SPAST: variants seen among roughly 807,000 people sequenced by gnomAD.
The protein encoded by SPAST is spastin, also known as spastic paraplegia 4 (autosomal dominant; spastin).
In SPAST, 30 loss-of-function variants were observed where a neutral mutation model predicts 76.6. The ratio of observed to expected loss-of-function variants is 0.39; its 90% CI spans 0.29 to 0.53. The LOEUF is 0.53. Among genes scored for constraint, SPAST ranks in the 20% least tolerant of loss-of-function variants. The probability of loss-of-function intolerance (pLI) is 0.68; values close to 1 mark genes in which losing one functional copy is unlikely to be tolerated. For synonymous variants in SPAST, 305 were observed against 281.0 expected, an observed-to-expected ratio of 1.09 and a Z score of -0.86; for missense variants, 717 against 770.5, an observed-to-expected ratio of 0.93 and a Z score of 0.82.
rs368935888 is a variant in SPAST, at chr2:32,063,771, G to A, written c.-61G>A. 83 of 1,531,250 alleles carry A rather than the reference G, an allele frequency of 5.4e-5. 1 individual carries two copies. In the South Asian group the frequency reaches 6.1e-4, roughly 11 times the overall value. The allele number at this position is 1,531,250 out of a possible 1,614,324, so 94.9% of individuals were successfully genotyped here. Reference sequence around the variant, plus strand: ...CGCCGTAGCAGTGGCTGCCGCCGTCGCTTGGTTCCCGTCGGTCTGCGGGAG... The same window carrying A: ...CGCCGTAGCAGTGGCTGCCGCCGTCACTTGGTTCCCGTCGGTCTGCGGGAG... On this transcript the variant is annotated 5_prime_UTR_variant, in exon 1 of 17. Coordinates refer to ENST00000315285, the MANE Select transcript of SPAST (RefSeq NM_014946.4).
intron 1 of SPAST, among the ~76,000 whole-genome samples, chr2:32,079,835 C>T (rs1383199605): frequency 3.9e-5 from 6 of 152,170 alleles, no homozygotes; most frequent in Admixed American, 3.3e-4. Flanking sequence ...GTGCAGCCCA[C>T]GTTTTTTATT....
chr2:32,088,260 T>C (rs536216630), intron 2 of SPAST, among the ~76,000 whole-genome samples: 1 of 152,336 alleles, frequency 6.6e-6, no homozygotes, highest in African/African-American at 2.4e-5. Context: ...CTTAAACTTC[T>C]GGCCTCAAGT....
chr2:32,114,914 C>A, intron 5 of SPAST, 89 bp downstream of exon 5: 1 of 862,196 alleles, frequency 1.2e-6, no homozygotes, highest in Non-Finnish European at 1.9e-6. Flanking sequence ...ATCATAAGTA[C>A]TTTATAATAC....
At chr2:32,075,969 C>T (rs963248978) in intron 1 of SPAST, among the ~76,000 whole-genome samples, 5 of 130,914 alleles carry the variant, frequency 3.8e-5, no homozygotes, top group South Asian at 5.1e-4. Context: ...GGTGTGATCT[C>T]GGCTCACTGC....
chr2:32,083,746 TATAC>T (rs1677341783), intron 1 of SPAST, among the ~76,000 whole-genome samples: 2 of 59,560 alleles, frequency 3.4e-5, no homozygotes, highest in African/African-American at 1.3e-4. Flanking sequence ...TATATTTATA[TATAC>T]TATATATATA....
intron 7 of SPAST, among the ~76,000 whole-genome samples, chr2:32,125,323 A>C (rs1216803319): frequency 6.6e-6 from 1 of 152,096 alleles, no homozygotes; most frequent in Non-Finnish European, 1.5e-5. Flanking sequence ...TCCAGGGTTC[A>C]AGCGATTCTC....
chr2:32,095,009 T>G (rs185946185), intron 3 of SPAST, among the ~76,000 whole-genome samples: 1 of 152,304 alleles, frequency 6.6e-6, no homozygotes, highest in Admixed American at 6.5e-5. Flanking sequence ...AATGAAATAC[T>G]CTGACTTAAA....
intron 16 of SPAST, among the ~76,000 whole-genome samples, chr2:32,150,383 G>A (rs564438394): frequency 7.3e-5 from 11 of 150,038 alleles, no homozygotes; most frequent in Non-Finnish European, 1.3e-4. Context: ...GAGCCACCAC[G>A]CCCGGCTGAA....
rs147419364 is a variant in SPAST at position 32,121,473 on chromosome 2, A to G, written c.1098+5261A>G. The stretch of plus-strand genomic sequence containing the variant: ...GACCTTTCTAGATATTCATCCTTCA[A>G]TTCTGAGAAAGGTTCTATAATTCTT... On this transcript the variant is annotated intron_variant, in intron 7 of 16. Transcript: ENST00000315285. Among the ~76,000 whole-genome samples, 668 of 148,760 alleles carry G rather than the reference A, an allele frequency of 4.5e-3. 4 individuals are homozygous for G. The highest frequency in any genetic ancestry group is 0.016 in the African/African-American group (636 of 40,316).
rs1218304842 is a variant in SPAST at position 32,114,790 on chromosome 2, A to C, written c.835A>C (p.Lys279Gln). The change falls in exon 5 of 17, where the codon AAA (lysine) becomes CAA (glutamine). Residue 279 changes from lysine (K) to glutamine (Q), a missense_variant. By Grantham distance (53) the Lys-to-Gln change is moderately conservative (BLOSUM62 1). Coordinates refer to ENST00000315285, the MANE Select transcript of SPAST (RefSeq NM_014946.4). ...TGGTTTATCCATGGTTTCTGGAGTGAAACAGGGATCTGGTCCTGCTCCTAC... is the reference window on the plus strand; with the variant it reads ...TGGTTTATCCATGGTTTCTGGAGTGCAACAGGGATCTGGTCCTGCTCCTAC... ...YSGLSMVSGV[K>Q]QGSGPAPTTH... The C allele has an allele frequency of 6.2e-7, 1 of 1,614,138 alleles. No individual in the cohort carries two copies. The highest frequency in any genetic ancestry group is 1.3e-5 in the African/African-American group (1 of 75,052).
chr2:32,143,926 G>T (rs537428313), intron 14 of SPAST, among the ~76,000 whole-genome samples: 14 of 152,132 alleles, frequency 9.2e-5, no homozygotes, highest in Non-Finnish European at 1.5e-4. Context: ...ATATAAACTT[G>T]TTCTTGGCAT....
chr2:32,064,278 C>T (rs1676419723), intron 1 of SPAST, 32 bp downstream of exon 1: 1 of 1,231,932 alleles, frequency 8.1e-7, no homozygotes, highest in Non-Finnish European at 1.1e-6. Flanking sequence ...GGGGCGGCGG[C>T]GCCGGGAAGA....
intron 6 of SPAST, 78 bp from the exon 7 acceptor site, chr2:32,116,041 G>T (rs1248682204): frequency 6.3e-6 from 7 of 1,104,556 alleles, no homozygotes; most frequent in Non-Finnish European, 9.7e-6. Context: ...ATAACTATAT[G>T]TCATAGGGCT....
At chr2:32,109,879 T>TATATAGTTACATATGTATATGCATACAC (rs1678471331) in intron 4 of SPAST, among the ~76,000 whole-genome samples, 2 of 148,912 alleles carry the variant, frequency 1.3e-5, no homozygotes, top group South Asian at 2.1e-4. Flanking sequence ...TGCATATACA[T>TATATAGTTACATATGTATATGCATACAC]ATATAGTTAC....
At chr2:32,133,557 C>A (rs962863965) in intron 9 of SPAST, among the ~76,000 whole-genome samples, 9 of 151,896 alleles carry the variant, frequency 5.9e-5, no homozygotes, top group Non-Finnish European at 1.3e-4. Flanking sequence ...TGAGATTTAT[C>A]CAGATTGTTG....
At position 32,141,889 on chromosome 2, in the gene SPAST, G is replaced by A. The variant is rs1175211773; in HGVS notation, c.1494-15G>A. 2 of 1,588,030 alleles carry A rather than the reference G, an allele frequency of 1.3e-6. No individual in the cohort carries two copies. The highest frequency in any genetic ancestry group is 1.7e-6 in the Non-Finnish European group (2 of 1,159,672). ...CAAAATTATATTTCTAAAAGTGCTG[G>A]ATTTTTTTTTTTAGGCGTTTCATCA... On this transcript the variant is annotated splice_polypyrimidine_tract_variant and intron_variant, in intron 12 of 16. Coordinates refer to ENST00000315285, the MANE Select transcript of SPAST (RefSeq NM_014946.4).
At chr2:32,147,345 GTTTTTTT>G (rs71407417) in intron 16 of SPAST, 87 bp downstream of exon 16, 25 of 162,870 alleles carry the variant, frequency 1.5e-4, no homozygotes, top group South Asian at 3.1e-4. Context: ...TGTGTGTGTG[GTTTTTTT>G]TTTTTTTTTT....
At chr2:32,145,108 T>C (rs1191929788) in intron 15 of SPAST, 101 bp downstream of exon 15, 5 of 833,388 alleles carry the variant, frequency 6.0e-6, no homozygotes, top group Non-Finnish European at 9.8e-6. Context: ...TTTTTTCTTT[T>C]GGAGACAGGG....
intron 1 of SPAST, among the ~76,000 whole-genome samples, chr2:32,086,879 A>C (rs1436999254): frequency 1.3e-5 from 2 of 152,254 alleles, no homozygotes; most frequent in Admixed American, 6.5e-5. Flanking sequence ...ATCACTTTAC[A>C]GAAGTTATTC....
Sources: gnomAD v4.1 joint callset for allele counts (sites outside exome capture counted in the v4.1 genomes callset) on GRCh38, gnomAD v4.1.1 for gene constraint, MANE v1.5 for transcripts, NCBI Gene and HGNC (gene_info 2026-07-23, HGNC 2026-07-21) for gene names.